CENPS: variants seen among roughly 807,000 people sequenced by gnomAD.
The protein encoded by CENPS is centromere protein S.
Under a neutral mutation model 17.9 loss-of-function variants are expected in CENPS, and 16 were observed. The ratio of observed to expected loss-of-function variants is 0.90; its 90% CI spans 0.61 to 1.36. CENPS has a LOEUF of 1.36. CENPS is among the 40% of genes most tolerant of loss of function. The pLI is 0.00. For synonymous variants in CENPS, 49 were observed against 55.8 expected (o/e 0.88, Z 0.54); for missense variants, 160 against 158.6 (o/e 1.01, Z -0.05).
At chr1:10,436,488 G>C (rs1640164507) in intron 3 of CENPS, among the ~76,000 whole-genome samples, 2 of 150,306 alleles carry the variant, frequency 1.3e-5, no homozygotes, top group Admixed American at 1.3e-4. Context: ...GATCACCTGA[G>C]CTCAGGAGTT....
intron 4 of CENPS, among the ~76,000 whole-genome samples, chr1:10,441,151 A>ATC (rs1011549289): frequency 3.2e-4 from 49 of 151,944 alleles, no homozygotes; most frequent in Admixed American, 1.2e-3. Context: ...TCCAGATACT[A>ATC]TTTTACGTAT....
chr1:10,434,568 C>T, intron 2 of CENPS, 89 bp from the exon 3 acceptor site: 1 of 1,579,768 alleles, frequency 6.3e-7, no homozygotes, highest in South Asian at 1.1e-5. Flanking sequence ...AGTCACTGTA[C>T]TGGCTGTAGA....
In CENPS at chr1:10,440,124, G is replaced by A. The variant is rs532962816; in HGVS notation, c.210-223G>A. On this transcript the variant is annotated intron_variant, in intron 3 of 4. Transcript: ENST00000309048. ...GCTTCGGGTACCCTTGGCCCTAAGC[G>A]GAGGTGGAGAGATGGGCCTCCGCAT... 47 of 575,720 alleles carry A rather than the reference G, an allele frequency of 8.2e-5. 1 individual carries two copies. In the East Asian group the frequency reaches 1.1e-3, roughly 14 times the overall value. 35.7% of individuals were successfully genotyped at this position (575,720 alleles called of 1,614,324 possible). A position where few individuals can be genotyped will look rare whatever the true frequency, so the allele number is the denominator to read the frequency against.
At position 10,432,493 on chromosome 1, in the gene CENPS, G is replaced by A. The variant is rs144875520; in HGVS notation, c.52-1349G>A. 1.2e-3 allele frequency among the ~76,000 whole-genome samples: 176 copies of A among 152,286 alleles called. 1 individual carries two copies. The highest frequency in any genetic ancestry group is 2.0e-3 in the Non-Finnish European group (138 of 68,026). ...TTTGCCCCTCAGCTGTGATTAGCTT[G>A]TAGACGATTTCCCCCCATTCATGTA... On this transcript the variant is annotated intron_variant, in intron 1 of 4. Transcript: ENST00000309048.
At chr1:10,438,231 G>A (rs766907579) in intron 3 of CENPS, among the ~76,000 whole-genome samples, 8 of 151,260 alleles carry the variant, frequency 5.3e-5, no homozygotes, top group South Asian at 2.1e-4. Context: ...TGCAGTCTCC[G>A]TCTCCTGGGT....
At chr1:10,433,186 C>G (rs773878602) in intron 1 of CENPS, among the ~76,000 whole-genome samples, 10 of 152,112 alleles carry the variant, frequency 6.6e-5, no homozygotes, top group Non-Finnish European at 1.5e-4. Context: ...GCTTGTCTTG[C>G]AATTGAGGCT....
At chr1:10,441,620 CTTTTTTT>C (rs34369229) in intron 4 of CENPS, among the ~76,000 whole-genome samples, 1 of 48,330 alleles carries the variant, frequency 2.1e-5, no homozygotes, top group Non-Finnish European at 3.6e-5. Context: ...GGCTACAACT[CTTTTTTT>C]TTTTTTTTTT....
At chr1:10,437,937 G>A (rs1308192279) in intron 3 of CENPS, among the ~76,000 whole-genome samples, 2 of 147,160 alleles carry the variant, frequency 1.4e-5, no homozygotes, top group African/African-American at 5.0e-5. Context: ...AATTTTTGTG[G>A]TTTTAATAGA....
At chr1:10,433,750 G>A in intron 1 of CENPS, 92 bp from the exon 2 acceptor site, 2 of 1,583,084 alleles carry the variant, frequency 1.3e-6, no homozygotes, top group Middle Eastern at 1.7e-4. Context: ...GGATTGGGCT[G>A]AGCAGACCCT....
At chr1:10,437,701 C>T (rs1331638938) in intron 3 of CENPS, among the ~76,000 whole-genome samples, 1 of 150,790 alleles carries the variant, frequency 6.6e-6, no homozygotes, top group Non-Finnish European at 1.5e-5. Context: ...AGGTGATCCA[C>T]CCACCTCGGC....
chr1:10,431,276 G>A (rs1184632102), intron 1 of CENPS: 2 of 1,535,208 alleles, frequency 1.3e-6, no homozygotes, highest in South Asian at 2.4e-5. Flanking sequence ...AGGACGGACT[G>A]AAGAAACGCG....
intron 3 of CENPS, among the ~76,000 whole-genome samples, chr1:10,437,396 A>T (rs485665): frequency 0.49 from 71,521 of 145,744 alleles, 17,290 homozygotes; most frequent in South Asian, 0.59. Flanking sequence ...CTTATTTCTT[A>T]TTTCTTTTTT....
intron 1 of CENPS, chr1:10,431,322 A>C: frequency 6.5e-7 from 1 of 1,535,276 alleles, no homozygotes; most frequent in Non-Finnish European, 8.7e-7. Flanking sequence ...TCCTCTCTAC[A>C]AAGTTACACT....
chr1:10,435,250 G>T (rs779537741), intron 3 of CENPS, among the ~76,000 whole-genome samples: 16 of 152,130 alleles, frequency 1.1e-4, no homozygotes, highest in Non-Finnish European at 2.4e-4. Flanking sequence ...AATTAGTACC[G>T]CAGGTAATTG....
intron 1 of CENPS, chr1:10,431,109 C>A: frequency 7.1e-7 from 1 of 1,411,564 alleles, no homozygotes; most frequent in East Asian, 2.6e-5. Context: ...ACGCAATTTT[C>A]TTCTCTGCAA....
intron 3 of CENPS, 138 bp downstream of exon 3, chr1:10,434,828 C>CT: frequency 8.0e-7 from 1 of 1,251,884 alleles, no homozygotes; most frequent in Non-Finnish European, 1.1e-6. Context: ...AATCATGGTT[C>CT]TGCAAGAACA....
chr1:10,433,835 T>C lies in CENPS; in HGVS notation c.52-7T>C. 1.2e-6 allele frequency: 2 copies of C among 1,614,014 alleles called. No individual in the cohort carries two copies. The highest frequency in any genetic ancestry group is 1.7e-6 in the Non-Finnish European group (2 of 1,179,954). Reference sequence around the variant, plus strand: ...TACCCGTGAAATATTTTGATGTTTTTCCCCAGAGGCTAAAGGCAGCAGTTC... The same window carrying C: ...TACCCGTGAAATATTTTGATGTTTTCCCCCAGAGGCTAAAGGCAGCAGTTC... On this transcript the variant is annotated splice_polypyrimidine_tract_variant and splice_region_variant and intron_variant, in intron 1 of 4. Transcript: ENST00000309048.
chr1:10,442,454 A>G lies in CENPS; in HGVS notation c.*49A>G. 6.7e-7 allele frequency: 1 copy of G among 1,486,144 alleles called. No homozygotes were observed. The highest frequency in any genetic ancestry group is 8.9e-7 in the Non-Finnish European group (1 of 1,124,764). 92.1% of individuals were successfully genotyped at this position (1,486,144 alleles called of 1,614,324 possible). A position where few individuals can be genotyped will look rare whatever the true frequency, so the allele number is the denominator to read the frequency against. On this transcript the variant is annotated 3_prime_UTR_variant, in exon 5 of 5. Transcript: ENST00000309048. ...CAGCCTTCTACAGGTAGAGCCACCTAGAAATGCATATGGCTGCAAAGGAAA... is the reference window on the plus strand; with the variant it reads ...CAGCCTTCTACAGGTAGAGCCACCTGGAAATGCATATGGCTGCAAAGGAAA...
chr1:10,433,720 C>T, intron 1 of CENPS, 122 bp from the exon 2 acceptor site: 1 of 1,510,090 alleles, frequency 6.6e-7, no homozygotes, highest in Non-Finnish European at 8.9e-7. Context: ...GCCACTCAGC[C>T]ATTATGGAAA....
Sources: allele counts gnomAD v4.1 joint callset (sites outside exome capture counted in the v4.1 genomes callset), GRCh38; gene constraint gnomAD v4.1.1; transcripts MANE v1.5; gene names NCBI Gene and HGNC (gene_info 2026-07-23, HGNC 2026-07-21).